NKAIN2: variants seen among roughly 807,000 people sequenced by gnomAD.
The protein encoded by NKAIN2 is sodium/potassium-transporting ATPase subunit beta-1-interacting protein 2.
A neutral mutation model predicts 32.6 loss-of-function variants in NKAIN2; 14 were observed. That is an observed-to-expected ratio of 0.43 (90% CI 0.28 to 0.67). The LOEUF (loss-of-function observed/expected upper bound fraction) is 0.67. Ranked by LOEUF, NKAIN2 falls within the 30% of genes least tolerant of loss-of-function variation. NKAIN2 has a pLI of 0.17. For missense variants in NKAIN2, 198 were observed against 258.3 expected, an observed-to-expected ratio of 0.77 and a Z score of 1.60; for synonymous variants, 80 against 87.2, an observed-to-expected ratio of 0.92 and a Z score of 0.46.
At chr6:124,362,299 G>A (rs190068645) in intron 3 of NKAIN2, among the ~76,000 whole-genome samples, 1 of 151,988 alleles carries the variant, frequency 6.6e-6, no homozygotes, top group Non-Finnish European at 1.5e-5. Context: ...TGCAGGGAAA[G>A]ATATTCGACC....
At chr6:123,903,108 T>C (rs1774683162) in intron 1 of NKAIN2, among the ~76,000 whole-genome samples, 1 of 152,212 alleles carries the variant, frequency 6.6e-6, no homozygotes, top group African/African-American at 2.4e-5. Context: ...CTGAATCATT[T>C]ATTGATTGAT....
intron 3 of NKAIN2, among the ~76,000 whole-genome samples, chr6:124,481,131 C>T (rs1777429266): frequency 6.7e-6 from 1 of 149,578 alleles, no homozygotes; most frequent in African/African-American, 2.5e-5. Flanking sequence ...CTTAATTAAA[C>T]TGTTTATTAG....
chr6:124,704,796 G>A (rs748135355), intron 4 of NKAIN2, among the ~76,000 whole-genome samples: 19 of 151,974 alleles, frequency 1.3e-4, no homozygotes, highest in Middle Eastern at 3.4e-3. Flanking sequence ...GAACCAGAGC[G>A]TCTAATACAC....
rs143710937 is a variant in NKAIN2 at position 124,614,595 on chromosome 6, A to G, written c.274-43591A>G. On this transcript the variant is annotated intron_variant, in intron 3 of 6. Transcript: ENST00000368417. ...CCTTCTCTCTTTTCCAAAGCCTTCA[A>G]TCTCTGAAACACAGCTCTTCCCCAA... Among the ~76,000 whole-genome samples, 326 of 152,124 alleles carry G rather than the reference A, an allele frequency of 2.1e-3. 4 individuals are homozygous for G. Among genetic ancestry groups the G allele is most frequent in the African/African-American group, 7.3e-3 (302 of 41,474 alleles).
chr6:124,295,484 C>A (rs1796009701), intron 2 of NKAIN2, among the ~76,000 whole-genome samples: 1 of 152,058 alleles, frequency 6.6e-6, no homozygotes, highest in South Asian at 2.1e-4. Context: ...TGGCTTGAAC[C>A]TGCTTTTTAT....
chr6:124,348,787 G>C (rs113813793), intron 2 of NKAIN2, among the ~76,000 whole-genome samples: 12,350 of 152,282 alleles, frequency 0.081, 501 homozygotes, highest in African/African-American at 0.1. Context: ...GCCGAAGCAG[G>C]GCGAGGCATT....
intron 2 of NKAIN2, among the ~76,000 whole-genome samples, chr6:124,329,595 C>G (rs759893447): frequency 3.9e-5 from 6 of 152,170 alleles, no homozygotes; most frequent in Non-Finnish European, 7.3e-5. Flanking sequence ...TGCTCCACCC[C>G]TGGATCCACA....
chr6:124,777,945 A>T (rs1472781122), intron 4 of NKAIN2, among the ~76,000 whole-genome samples: 1 of 129,750 alleles, frequency 7.7e-6, no homozygotes, highest in Admixed American at 8.3e-5. Flanking sequence ...TAGAAATCAC[A>T]TTCACACACA....
intron 4 of NKAIN2, among the ~76,000 whole-genome samples, chr6:124,774,477 C>G (rs933156651): frequency 6.6e-6 from 1 of 152,000 alleles, no homozygotes; most frequent in Non-Finnish European, 1.5e-5. Context: ...GTAGTTTGCA[C>G]ATAGTAAGTT....
intron 1 of NKAIN2, among the ~76,000 whole-genome samples, chr6:124,078,784 TTTTG>T (rs1384083969): frequency 3.3e-5 from 4 of 120,138 alleles, no homozygotes; most frequent in African/African-American, 1.3e-4. Context: ...GCTATGTCGT[TTTTG>T]TGTGTGTGTG....
intron 1 of NKAIN2, among the ~76,000 whole-genome samples, chr6:123,969,938 A>G (rs542791494): frequency 6.6e-6 from 1 of 152,232 alleles, no homozygotes; most frequent in Non-Finnish European, 1.5e-5. Context: ...TAGTGGATAT[A>G]TAAGTAAAAT....
intron 3 of NKAIN2, among the ~76,000 whole-genome samples, chr6:124,475,487 A>G (rs1777161560): frequency 6.6e-6 from 1 of 152,190 alleles, no homozygotes; most frequent in Non-Finnish European, 1.5e-5. Context: ...AGTGGATATA[A>G]ATGCTAATGA....
intron 5 of NKAIN2, among the ~76,000 whole-genome samples, chr6:124,801,825 T>C (rs1037521904): frequency 6.6e-6 from 1 of 152,156 alleles, no homozygotes; most frequent in African/African-American, 2.4e-5. Flanking sequence ...ACCTAAGGGA[T>C]AAATTAGAGG....
At chr6:123,879,795 C>A (rs925000337) in intron 1 of NKAIN2, among the ~76,000 whole-genome samples, 2 of 152,206 alleles carry the variant, frequency 1.3e-5, no homozygotes, top group Non-Finnish European at 2.9e-5. Flanking sequence ...AGTGGACAGC[C>A]TGATGCCTAT....
At chr6:124,613,441 A>T (rs1562284329) in intron 3 of NKAIN2, among the ~76,000 whole-genome samples, 1 of 152,224 alleles carries the variant, frequency 6.6e-6, no homozygotes, top group African/African-American at 2.4e-5. Context: ...TGGAGAATCA[A>T]TATGGGTTTC....
At chr6:124,345,275 G>T (rs542223164) in intron 2 of NKAIN2, among the ~76,000 whole-genome samples, 91 of 152,282 alleles carry the variant, frequency 6.0e-4, no homozygotes, top group African/African-American at 2.1e-3. Flanking sequence ...GTTCATCAAG[G>T]ATATTGGTCT....
At chr6:123,854,935 C>T (rs939326605) in intron 1 of NKAIN2, among the ~76,000 whole-genome samples, 1 of 152,142 alleles carries the variant, frequency 6.6e-6, no homozygotes, top group East Asian at 1.9e-4. Flanking sequence ...TTCTTTTTCT[C>T]CTGGCATTAT....
Position 123,976,267 on chromosome 6 carries a change from T to A in NKAIN2, c.54+172013T>A, listed in dbSNP as rs375012787. On this transcript the variant is annotated intron_variant, in intron 1 of 6. Transcript: ENST00000368417. ...CAAGAACATATATATATATATATGT[T>A]TCCATATATATGTTTCCATATATAT... is the stretch of plus-strand genomic sequence containing the variant. 7.8e-3 allele frequency among the ~76,000 whole-genome samples: 567 copies of A among 72,988 alleles called. 41 individuals are homozygous for A. The highest frequency in any genetic ancestry group is 0.034 in the East Asian group (49 of 1,426). 47.9% of individuals were successfully genotyped at this position (72,988 alleles called of 152,430 possible).
intron 1 of NKAIN2, among the ~76,000 whole-genome samples, chr6:123,953,621 G>T (rs1210999855): frequency 6.6e-6 from 1 of 152,144 alleles, no homozygotes; most frequent in Non-Finnish European, 1.5e-5. Flanking sequence ...CAGGCCCCTG[G>T]TTGGAGTACT....
Sources: allele counts gnomAD v4.1 joint callset (sites outside exome capture counted in the v4.1 genomes callset), GRCh38; gene constraint gnomAD v4.1.1; transcripts MANE v1.5; gene names NCBI Gene and HGNC (gene_info 2026-07-23, HGNC 2026-07-21).